ANKRD31: variants seen among roughly 807,000 people sequenced by gnomAD.
The protein encoded by ANKRD31 is ankyrin repeat domain 31, also known as ankyrin repeat domain-containing protein 31.
A neutral mutation model predicts 186.0 loss-of-function variants in ANKRD31; 147 were observed. The ratio of observed to expected loss-of-function variants is 0.79; its 90% CI spans 0.69 to 0.91. The LOEUF is 0.91. Among genes scored for constraint, ANKRD31 ranks in the 40% least tolerant of loss-of-function variants. ANKRD31 has a pLI of 0.00. For missense variants in ANKRD31, 1,986 were observed against 2,148.8 expected (o/e 0.92, Z 1.50); for synonymous variants, 673 against 736.4 (o/e 0.91, Z 1.39).
At chr5:75,148,660 A>C (rs371854864) in intron 12 of ANKRD31, 32 bp from the exon 13 acceptor site, 22 of 1,497,854 alleles carry the variant, frequency 1.5e-5, no homozygotes, top group South Asian at 1.2e-4. Context: ...CAATGAAAAC[A>C]GCTTCTAGTG....
intron 20 of ANKRD31, 107 bp downstream of exon 20, chr5:75,112,406 A>G (rs1747859634): frequency 7.5e-6 from 5 of 665,630 alleles, no homozygotes; most frequent in East Asian, 6.0e-5. Context: ...ACATAAAAAT[A>G]GAACACCACT....
chr5:75,129,444 T>C (rs1749555060), intron 17 of ANKRD31, among the ~76,000 whole-genome samples: 1 of 152,242 alleles, frequency 6.6e-6, no homozygotes, highest in Non-Finnish European at 1.5e-5. Context: ...TTCACATCTT[T>C]TAGCAGATCA....
chr5:75,125,707 T>G (rs1749195893), intron 17 of ANKRD31, among the ~76,000 whole-genome samples: 1 of 152,132 alleles, frequency 6.6e-6, no homozygotes, highest in South Asian at 2.1e-4. Flanking sequence ...TCAGAGACAC[T>G]GGGACCCTGG....
intron 5 of ANKRD31, among the ~76,000 whole-genome samples, chr5:75,205,219 T>C (rs921405298): frequency 1.3e-5 from 2 of 152,244 alleles, no homozygotes; most frequent in Non-Finnish European, 2.9e-5. Flanking sequence ...AGACAATCTT[T>C]TGTACACTCC....
chr5:75,192,786 C>T lies in ANKRD31; in HGVS notation c.1299-10G>A, dbSNP rs1755202642. ...AGCCGGATCCTGCATTCTTGAAAAA[C>T]AACGTATTTTTTAAATGGCTATAAC... On this transcript the variant is annotated splice_polypyrimidine_tract_variant and intron_variant, in intron 8 of 25. Coordinates refer to ENST00000506364, the MANE Select transcript of ANKRD31 (RefSeq NM_001372053.1). 3.3e-6 allele frequency: 5 copies of T among 1,514,738 alleles called. No homozygotes were observed. Among genetic ancestry groups the T allele is most frequent in the Non-Finnish European group, 4.4e-6 (5 of 1,133,902 alleles). 93.8% of individuals were successfully genotyped at this position (1,514,738 alleles called of 1,614,324 possible). A position where few individuals can be genotyped will look rare whatever the true frequency, so the allele number is the denominator to read the frequency against.
intron 24 of ANKRD31, among the ~76,000 whole-genome samples, chr5:75,083,630 T>TGAGGCAGAAGAATCACTTGAACCCAG (rs1225234357): frequency 1.3e-5 from 2 of 152,078 alleles, no homozygotes; most frequent in East Asian, 3.9e-4. Context: ...CTCGGGAGGC[T>TGAGGCAGAAGAATCACTTGAACCCAG]GAGGCAGAAG....
At chr5:75,223,067 A>G (rs1184014588) in intron 2 of ANKRD31, among the ~76,000 whole-genome samples, 1 of 152,200 alleles carries the variant, frequency 6.6e-6, no homozygotes, top group Admixed American at 6.5e-5. Context: ...CCAACAGTGT[A>G]AAAGCATTCC....
intron 9 of ANKRD31, among the ~76,000 whole-genome samples, chr5:75,190,072 T>G (rs996655151): frequency 6.6e-6 from 1 of 151,512 alleles, no homozygotes; most frequent in Admixed American, 6.6e-5. Context: ...CAGGATGGAG[T>G]GCAGTGGTGC....
At chr5:75,132,923 G>A (rs1182775972) in intron 17 of ANKRD31, among the ~76,000 whole-genome samples, 1 of 152,082 alleles carries the variant, frequency 6.6e-6, no homozygotes, top group Non-Finnish European at 1.5e-5. Flanking sequence ...AGCTTCCTAA[G>A]TAAAGGAGAA....
At chr5:75,173,654 A>G (rs1464458124) in intron 10 of ANKRD31, among the ~76,000 whole-genome samples, 2 of 152,220 alleles carry the variant, frequency 1.3e-5, no homozygotes, top group African/African-American at 4.8e-5. Flanking sequence ...AGAATAAAAT[A>G]GCTAGGAATC....
chr5:75,229,888 CAA>C (rs796445150), intron 2 of ANKRD31, among the ~76,000 whole-genome samples: 1 of 79,702 alleles, frequency 1.3e-5, no homozygotes, highest in Non-Finnish European at 2.2e-5. Flanking sequence ...AAAAAAAAAA[CAA>C]AAAAAACATC....
At chr5:75,157,584 T>C (rs1235570917) in intron 11 of ANKRD31, among the ~76,000 whole-genome samples, 2 of 152,144 alleles carry the variant, frequency 1.3e-5, no homozygotes, top group Non-Finnish European at 1.5e-5. Flanking sequence ...AAAACCTTTG[T>C]TAATGCTGAA....
intron 15 of ANKRD31, among the ~76,000 whole-genome samples, chr5:75,139,647 C>T (rs1029034741): frequency 6.6e-6 from 1 of 152,174 alleles, no homozygotes. Flanking sequence ...GACTTCAACA[C>T]ATTTGGGGGG....
chr5:75,116,767 G>T, intron 18 of ANKRD31, 86 bp from the exon 19 acceptor site: 1 of 658,784 alleles, frequency 1.5e-6, no homozygotes, highest in Non-Finnish European at 2.2e-6. Flanking sequence ...GGGATGAGAA[G>T]GATAAGTCAA....
intron 22 of ANKRD31, among the ~76,000 whole-genome samples, chr5:75,091,897 G>A (rs564540823): frequency 2.0e-5 from 3 of 152,250 alleles, no homozygotes; most frequent in African/African-American, 4.8e-5. Flanking sequence ...ACGGCACCAC[G>A]GAGAATGCTG....
At chr5:75,174,635 A>G (rs909133561) in intron 10 of ANKRD31, among the ~76,000 whole-genome samples, 6 of 152,270 alleles carry the variant, frequency 3.9e-5, no homozygotes, top group Admixed American at 6.5e-5. Flanking sequence ...AAAAATGCTC[A>G]TCATCACTGA....
At chr5:75,228,170 G>GA (rs1243415577) in intron 2 of ANKRD31, among the ~76,000 whole-genome samples, 1 of 152,040 alleles carries the variant, frequency 6.6e-6, no homozygotes, top group South Asian at 2.1e-4. Context: ...GTTGGGATGG[G>GA]AAAAAAACCC....
chr5:75,178,869 A>C (rs1428237416), intron 10 of ANKRD31, among the ~76,000 whole-genome samples: 2 of 152,214 alleles, frequency 1.3e-5, no homozygotes, highest in African/African-American at 4.8e-5. Context: ...GCAGAAGGCA[A>C]GAAATAACTA....
chr5:75,092,129 A>G (rs1057187723), intron 22 of ANKRD31, among the ~76,000 whole-genome samples: 3 of 152,180 alleles, frequency 2.0e-5, no homozygotes, highest in Non-Finnish European at 4.4e-5. Flanking sequence ...GATAGCTCCT[A>G]ATCTCCTCCC....
Sources: allele counts gnomAD v4.1 joint callset (sites outside exome capture counted in the v4.1 genomes callset), GRCh38; gene constraint gnomAD v4.1.1; transcripts MANE v1.5; gene names NCBI Gene and HGNC (gene_info 2026-07-23, HGNC 2026-07-21).